The following SLC43A3 variants were observed in gnomAD, a reference collection of about 807,000 sequenced individuals.
SLC43A3 encodes the protein equilibrative nucleobase transporter 1.
Under a neutral mutation model 53.3 loss-of-function variants are expected in SLC43A3, and 33 were observed. That is an observed-to-expected ratio of 0.62 (90% CI 0.47 to 0.83). The LOEUF is 0.83. SLC43A3 is among the 40% of genes least tolerant of loss of function. The probability of loss-of-function intolerance (pLI) is 0.00; values close to 1 mark genes in which losing one functional copy is unlikely to be tolerated. For synonymous variants in SLC43A3, 236 were observed against 246.2 expected, an observed-to-expected ratio of 0.96 and a Z score of 0.39; for missense variants, 530 against 610.0, an observed-to-expected ratio of 0.87 and a Z score of 1.38.
rs768560650 is a variant in SLC43A3, at chr11:57,414,995, T to C, written c.881A>G (p.Tyr294Cys). 6.2e-6 allele frequency: 10 copies of C among 1,613,818 alleles called. No individual in the cohort carries two copies. In the Admixed American group the frequency reaches 1.5e-4, roughly 24 times the overall value. ...VWLSVIQLWHYLFIGTLNSLL... is the reference protein window; with the variant it reads ...VWLSVIQLWHCLFIGTLNSLL... ...GGAGTTGAGAGTGCCAATGAAGAGG[T>C]AGTGCCACAACTGTATCACAGACAG... The change falls in exon 10 of 14, where the codon TAC becomes TGC. Residue 294 changes from tyrosine to cysteine, a missense_variant. By Grantham distance (194) the Tyr-to-Cys change is radical. This residue lies in a region of SLC43A3 where 376 missense variants were observed against 386.7 expected (regional missense o/e 0.97). Coordinates refer to ENST00000395124, the MANE Select transcript of SLC43A3 (RefSeq NM_199329.3).
intron 4 of SLC43A3, among the ~76,000 whole-genome samples, chr11:57,424,519 C>A (rs553630237): frequency 6.6e-6 from 1 of 152,162 alleles, no homozygotes; most frequent in East Asian, 1.9e-4. Flanking sequence ...AAGAAATGAT[C>A]GGACTGATCT....
At chr11:57,425,114 G>C (rs1565103384) in intron 4 of SLC43A3, among the ~76,000 whole-genome samples, 1 of 152,166 alleles carries the variant, frequency 6.6e-6, no homozygotes, top group Non-Finnish European at 1.5e-5. Flanking sequence ...GGGGCGGTGA[G>C]GAGGATGAGG....
At chr11:57,418,096 G>T (rs1942805522) in intron 7 of SLC43A3, among the ~76,000 whole-genome samples, 1 of 152,120 alleles carries the variant, frequency 6.6e-6, no homozygotes, top group East Asian at 1.9e-4. Context: ...CAGCACTTTG[G>T]GACGCACGAG....
At chr11:57,419,983 A>T (rs553100137) in intron 7 of SLC43A3, among the ~76,000 whole-genome samples, 6 of 152,184 alleles carry the variant, frequency 3.9e-5, no homozygotes, top group African/African-American at 1.2e-4. Flanking sequence ...AGCTAGACTC[A>T]TGTCTGGGTG....
At chr11:57,410,600 T>C (rs1942405641) in intron 11 of SLC43A3, among the ~76,000 whole-genome samples, 1 of 151,580 alleles carries the variant, frequency 6.6e-6, no homozygotes, top group Admixed American at 6.6e-5. Context: ...GAGAGGTCCC[T>C]GCTACAGAGC....
At chr11:57,426,798 G>A (rs1943215042) in intron 1 of SLC43A3, 146 bp from the exon 2 acceptor site, 1 of 152,470 alleles carries the variant, frequency 6.6e-6, no homozygotes, top group South Asian at 2.1e-4. Flanking sequence ...CTTGCCCAAG[G>A]TCACAGGGCT....
Position 57,426,369 on chromosome 11 carries a change from G to A in SLC43A3, c.-180-17C>T, listed in dbSNP as rs1565104461. On this transcript the variant is annotated splice_polypyrimidine_tract_variant and intron_variant, in intron 2 of 13. Coordinates refer to ENST00000395124, the MANE Select transcript of SLC43A3 (RefSeq NM_199329.3). ...CTCTGGATCCTGTAGAATAAAGATAGAGGCTGCTGGAAGAGGAGGCCTGCG... is the reference window on the plus strand; with the variant it reads ...CTCTGGATCCTGTAGAATAAAGATAAAGGCTGCTGGAAGAGGAGGCCTGCG... The A allele has an allele frequency of 5.1e-6, 3 of 585,578 alleles. No homozygotes were observed. The highest frequency in any genetic ancestry group is 9.1e-6 in the Non-Finnish European group (3 of 330,674). 36.3% of individuals were successfully genotyped at this position (585,578 alleles called of 1,614,324 possible).
chr11:57,410,479 A>G (rs1247965697), intron 11 of SLC43A3, among the ~76,000 whole-genome samples: 1 of 152,050 alleles, frequency 6.6e-6, no homozygotes, highest in East Asian at 1.9e-4. Context: ...TTGTAACACT[A>G]CTGGTAATAG....
At chr11:57,422,957 T>G (rs1233973695) in intron 5 of SLC43A3, among the ~76,000 whole-genome samples, 1 of 152,246 alleles carries the variant, frequency 6.6e-6, no homozygotes, top group East Asian at 1.9e-4. Context: ...AGCTTTAGCA[T>G]AGCTTACACA....
rs576720488 is a variant in SLC43A3, at chr11:57,407,347, G to A, written c.*445C>T. On this transcript the variant is annotated 3_prime_UTR_variant, in exon 14 of 14. Transcript: ENST00000395124. ...AGCTGTGAGTTCTCTAGCCAAGGCTGCACTCTTGAGGGAGAGCCAGGAAGC... is the reference window on the plus strand; with the variant it reads ...AGCTGTGAGTTCTCTAGCCAAGGCTACACTCTTGAGGGAGAGCCAGGAAGC... The A allele has an allele frequency of 1.9e-5, 3 of 160,360 alleles. No individual in the cohort carries two copies. Among genetic ancestry groups the A allele is most frequent in the Non-Finnish European group, 4.1e-5 (3 of 72,466 alleles). 9.9% of individuals were successfully genotyped at this position (160,360 alleles called of 1,614,324 possible). A position where few individuals can be genotyped will look rare whatever the true frequency, so the allele number is the denominator to read the frequency against.
intron 13 of SLC43A3, chr11:57,408,097 G>C (rs575047164): frequency 4.3e-4 from 221 of 517,752 alleles, no homozygotes; most frequent in Non-Finnish European, 6.9e-4. Context: ...TATCGGTTGG[G>C]GTAGAGGAGG....
rs1454063697 is a variant in SLC43A3, at chr11:57,421,388, T to A, written c.362-15A>T. On this transcript the variant is annotated splice_polypyrimidine_tract_variant and intron_variant, in intron 5 of 13. Coordinates refer to ENST00000395124, the MANE Select transcript of SLC43A3 (RefSeq NM_199329.3). ...CACGGCTGAGCCTGGACCATCAAAGTCAGAGGTAGGGTGGTGTCATAGTGC... is the reference window on the plus strand; with the variant it reads ...CACGGCTGAGCCTGGACCATCAAAGACAGAGGTAGGGTGGTGTCATAGTGC... 1.1e-5 allele frequency: 18 copies of A among 1,609,968 alleles called. No individual in the cohort carries two copies. The highest frequency in any genetic ancestry group is 1.6e-4 in the Middle Eastern group (1 of 6,078).
intron 7 of SLC43A3, among the ~76,000 whole-genome samples, chr11:57,418,345 A>T (rs1321083486): frequency 6.6e-6 from 1 of 152,100 alleles, no homozygotes; most frequent in Non-Finnish European, 1.5e-5. Context: ...AAATAAAAAA[A>T]AAAAAGGAAA....
At chr11:57,415,380 C>G (rs753136607) in intron 9 of SLC43A3, 5 of 1,444,264 alleles carry the variant, frequency 3.5e-6, no homozygotes, top group Non-Finnish European at 4.6e-6. Context: ...ACACTTCTTG[C>G]AGTAATACCT....
At chr11:57,415,174 A>C in intron 9 of SLC43A3, 68 bp from the exon 10 acceptor site, 1 of 1,581,818 alleles carries the variant, frequency 6.3e-7, no homozygotes, top group Non-Finnish European at 8.6e-7. Flanking sequence ...GGGAGTGTGG[A>C]GGCTTCAATG....
intron 7 of SLC43A3, 101 bp downstream of exon 7, chr11:57,420,871 A>G: frequency 1.2e-6 from 1 of 802,298 alleles, no homozygotes; most frequent in Non-Finnish European, 2.2e-6. Context: ...GTAACACAGT[A>G]CCTACCTCAC....
At position 57,407,849 on chromosome 11, in the gene SLC43A3, G is replaced by C. The variant is rs1022778937; in HGVS notation, c.1419C>G (p.Pro473=). 7.4e-6 allele frequency: 12 copies of C among 1,613,862 alleles called. No homozygotes were observed. The highest frequency in any genetic ancestry group is 1.0e-5 in the Non-Finnish European group (12 of 1,179,720). ...MLAILLTFFH[P]FLVYRECRTW... ...TACGGCATTCCCGATATACCAGAAAGGGGTGGAAGAATGTCAGAAGAATGG... is the reference window on the plus strand; with the variant it reads ...TACGGCATTCCCGATATACCAGAAACGGGTGGAAGAATGTCAGAAGAATGG... The change falls in exon 14 of 14, where the codon CCC becomes CCG. Residue 473 remains proline, a synonymous_variant. Coordinates refer to ENST00000395124, the MANE Select transcript of SLC43A3 (RefSeq NM_199329.3).
chr11:57,424,960 G>A (rs991582836), intron 4 of SLC43A3, among the ~76,000 whole-genome samples: 11 of 152,176 alleles, frequency 7.2e-5, no homozygotes, highest in South Asian at 2.1e-4. Flanking sequence ...ATCACGTCCC[G>A]AACCTTCTGA....
rs1275667577 is a variant in SLC43A3 at position 57,414,972 on chromosome 11, A to G, written c.904T>C (p.Ser302Pro). ...WHYLFIGTLN[S>P]LLTNMAGGDM... Reference sequence around the variant, plus strand: ...CCACCGGCCATGTTGGTCAGCAAGGAGTTGAGAGTGCCAATGAAGAGGTAG... The same window carrying G: ...CCACCGGCCATGTTGGTCAGCAAGGGGTTGAGAGTGCCAATGAAGAGGTAG... The change falls in exon 10 of 14, where the codon TCC (serine) becomes CCC (proline). Residue 302 changes from serine to proline, a missense_variant. Ser to Pro is a moderately conservative substitution (Grantham distance 74). Coordinates refer to ENST00000395124, the MANE Select transcript of SLC43A3 (RefSeq NM_199329.3). 2 of 1,613,698 alleles carry G rather than the reference A, an allele frequency of 1.2e-6. No homozygotes were observed. Among genetic ancestry groups the G allele is most frequent in the African/African-American group, 2.7e-5 (2 of 74,912 alleles).
Sources: allele counts gnomAD v4.1 joint callset (sites outside exome capture counted in the v4.1 genomes callset), GRCh38; gene constraint gnomAD v4.1.1; regional missense constraint gnomAD v4.1.1; transcripts MANE v1.5; gene names NCBI Gene and HGNC (gene_info 2026-07-23, HGNC 2026-07-21).